The following STPG2 variants were observed in gnomAD, a reference collection of about 807,000 sequenced individuals.
STPG2 encodes the protein sperm-tail PG-rich repeat-containing protein 2.
Under a neutral mutation model 54.2 loss-of-function variants are expected in STPG2, and 56 were observed. The ratio of observed to expected loss-of-function variants is 1.03; its 90% CI spans 0.83 to 1.29. The LOEUF (loss-of-function observed/expected upper bound fraction) is 1.29, where lower values mean the gene tolerates loss of function less well. Among genes scored for constraint, STPG2 ranks in the 50% most tolerant of loss-of-function variants. The pLI is 0.00. For synonymous variants in STPG2, 200 were observed against 181.8 expected, an observed-to-expected ratio of 1.10 and a Z score of -0.81; for missense variants, 596 against 544.9, an observed-to-expected ratio of 1.09 and a Z score of -0.93.
At chr4:97,506,049 C>CTTCA (rs1192626272) in intron 4 of STPG2, among the ~76,000 whole-genome samples, 1 of 121,076 alleles carries the variant, frequency 8.3e-6, no homozygotes, top group African/African-American at 3.1e-5. Flanking sequence ...AAAAAAAAGG[C>CTTCA]TTCAGACACT....
At chr4:97,925,847 A>C (rs1048381006) in intron 8 of STPG2, among the ~76,000 whole-genome samples, 8 of 152,148 alleles carry the variant, frequency 5.3e-5, no homozygotes, top group Non-Finnish European at 1.0e-4. Flanking sequence ...CCTCTTCAGA[A>C]GTCTGAATTC....
At chr4:98,041,482 T>C (rs1736955636) in intron 5 of STPG2, among the ~76,000 whole-genome samples, 1 of 151,890 alleles carries the variant, frequency 6.6e-6, no homozygotes, top group Non-Finnish European at 1.5e-5. Context: ...GCCTATGGCT[T>C]TTATCATTTT....
intron 9 of STPG2, among the ~76,000 whole-genome samples, chr4:97,805,869 T>C (rs1727545088): frequency 6.6e-6 from 1 of 151,270 alleles, no homozygotes; most frequent in Admixed American, 6.6e-5. Flanking sequence ...CTGGCAAAGC[T>C]GCAGAGAAAA....
chr4:97,999,939 G>T (rs1341636488), intron 5 of STPG2, among the ~76,000 whole-genome samples: 1 of 152,124 alleles, frequency 6.6e-6, no homozygotes, highest in Admixed American at 6.6e-5. Context: ...GGTGTCCAGA[G>T]AATTTCTGTG....
chr4:97,605,220 C>T (rs939383893), intron 10 of STPG2, among the ~76,000 whole-genome samples: 34 of 151,824 alleles, frequency 2.2e-4, no homozygotes, highest in African/African-American at 8.2e-4. Context: ...GGGATGTGAA[C>T]TTCTATATCA....
intron 4 of STPG2, among the ~76,000 whole-genome samples, chr4:97,450,445 C>A (rs567549288): frequency 2.6e-5 from 4 of 152,178 alleles, no homozygotes; most frequent in Non-Finnish European, 4.4e-5. Context: ...TTGATAAGAA[C>A]TCCCAAGAAG....
intron 8 of STPG2, among the ~76,000 whole-genome samples, chr4:97,856,085 T>A (rs1002556149): frequency 6.6e-6 from 1 of 152,206 alleles, no homozygotes; most frequent in Non-Finnish European, 1.5e-5. Flanking sequence ...GACTATAGTG[T>A]GAAGTCAGGT....
At chr4:97,587,377 C>G (rs1578407477) in intron 10 of STPG2, among the ~76,000 whole-genome samples, 2 of 151,998 alleles carry the variant, frequency 1.3e-5, no homozygotes, top group East Asian at 3.9e-4. Flanking sequence ...TTATACTATT[C>G]TAAAGATAAC....
intron 10 of STPG2, among the ~76,000 whole-genome samples, chr4:97,703,635 T>C (rs1230479194): frequency 7.2e-6 from 1 of 138,984 alleles, no homozygotes; most frequent in South Asian, 2.2e-4. Context: ...ATATTATATA[T>C]ATAAATAAAA....
At chr4:97,580,632 CA>C (rs1187232890) in intron 10 of STPG2, among the ~76,000 whole-genome samples, 1 of 151,726 alleles carries the variant, frequency 6.6e-6, no homozygotes, top group Non-Finnish European at 1.5e-5. Context: ...AATTACTAAT[CA>C]AGAAAACTTC....
At position 97,739,776 on chromosome 4, in the gene STPG2, A is replaced by C. The variant is rs59765575; in HGVS notation, c.1205-26962T>G. ...CCAGATGGATTCACAGCCAAATTCT[A>C]CCAGAGGTACAGGGAGGAATTGGTA... On this transcript the variant is annotated intron_variant, in intron 9 of 10. Coordinates refer to ENST00000295268, the MANE Select transcript of STPG2 (RefSeq NM_174952.3). Among the ~76,000 whole-genome samples, 924 of 152,272 alleles carry C rather than the reference A, an allele frequency of 6.1e-3. 9 individuals carry two copies. The highest frequency in any genetic ancestry group is 0.021 in the African/African-American group (873 of 41,550).
At chr4:98,010,623 T>A (rs960229413) in intron 5 of STPG2, among the ~76,000 whole-genome samples, 8 of 152,206 alleles carry the variant, frequency 5.3e-5, no homozygotes, top group African/African-American at 1.9e-4. Context: ...AATTTAATAC[T>A]CTTACATTTA....
intron 8 of STPG2, among the ~76,000 whole-genome samples, chr4:97,849,530 G>A (rs1729082392): frequency 6.6e-6 from 1 of 151,784 alleles, no homozygotes; most frequent in Non-Finnish European, 1.5e-5. Flanking sequence ...ATCTGACAAA[G>A]GGCTAATATC....
intron 8 of STPG2, among the ~76,000 whole-genome samples, chr4:97,856,987 C>T (rs541609282): frequency 6.6e-6 from 1 of 152,036 alleles, no homozygotes; most frequent in Non-Finnish European, 1.5e-5. Flanking sequence ...TTGAACAAAT[C>T]CTGCATCCCA....
At chr4:97,551,350 A>G (rs1244374328) in intron 4 of STPG2, among the ~76,000 whole-genome samples, 2 of 152,214 alleles carry the variant, frequency 1.3e-5, no homozygotes, top group African/African-American at 4.8e-5. Flanking sequence ...CCTCCAAGAA[A>G]AAAAGAAAAT....
chr4:98,055,261 A>G (rs1389886846), intron 5 of STPG2, among the ~76,000 whole-genome samples: 1 of 152,092 alleles, frequency 6.6e-6, no homozygotes, highest in Non-Finnish European at 1.5e-5. Context: ...GGAGATTTAA[A>G]TTAAGTGTTT....
intron 5 of STPG2, among the ~76,000 whole-genome samples, chr4:98,022,332 G>A (rs2149292387): frequency 6.6e-6 from 1 of 152,068 alleles, no homozygotes; most frequent in South Asian, 2.1e-4. Context: ...CTTTAAGAAT[G>A]TTGAATATTG....
At chr4:97,890,368 T>C (rs1338088908) in intron 8 of STPG2, among the ~76,000 whole-genome samples, 1 of 152,036 alleles carries the variant, frequency 6.6e-6, no homozygotes, top group East Asian at 1.9e-4. Context: ...TTTTTTTAAA[T>C]TATTTTGTAA....
At chr4:97,634,487 A>G (rs1299527623) in intron 10 of STPG2, among the ~76,000 whole-genome samples, 2 of 152,206 alleles carry the variant, frequency 1.3e-5, no homozygotes, top group African/African-American at 4.8e-5. Flanking sequence ...AAAGCTGGAC[A>G]GAGAATGACT....
Sources: allele counts gnomAD v4.1 joint callset (sites outside exome capture counted in the v4.1 genomes callset), GRCh38; gene constraint gnomAD v4.1.1; transcripts MANE v1.5; gene names NCBI Gene and HGNC (gene_info 2026-07-23, HGNC 2026-07-21).